KIT: variants seen among roughly 807,000 people sequenced by gnomAD.
KIT encodes the protein mast/stem cell growth factor receptor Kit.
A neutral mutation model predicts 105.7 loss-of-function variants in KIT; 16 were observed. The ratio of observed to expected loss-of-function variants is 0.15; its 90% CI spans 0.10 to 0.23. The LOEUF is 0.23. Among genes scored for constraint, KIT ranks in the 10% least tolerant of loss-of-function variants. The pLI, the probability that KIT is intolerant of heterozygous loss-of-function variation, is 1.00. For synonymous variants in KIT, 438 were observed against 441.1 expected, an observed-to-expected ratio of 0.99 and a Z score of 0.09; for missense variants, 858 against 1,213.8, an observed-to-expected ratio of 0.71 and a Z score of 4.36.
chr4:54,696,662 A>T (rs528787958), intron 2 of KIT, among the ~76,000 whole-genome samples: 41 of 152,352 alleles, frequency 2.7e-4, no homozygotes, highest in Middle Eastern at 6.8e-3. Flanking sequence ...TTTGGATAAG[A>T]TGATCTGTTC....
intron 1 of KIT, among the ~76,000 whole-genome samples, chr4:54,664,831 C>T (rs1204299790): frequency 6.7e-6 from 1 of 150,330 alleles, no homozygotes; most frequent in African/African-American, 2.4e-5. Context: ...CAAGCGATCC[C>T]CCAGCCTCAG....
chr4:54,664,625 A>AT (rs1717548963), intron 1 of KIT, among the ~76,000 whole-genome samples: 1 of 142,978 alleles, frequency 7.0e-6, no homozygotes, highest in African/African-American at 2.6e-5. Flanking sequence ...TTATTTATTT[A>AT]TGAGACAGGG....
rs374262491 is a variant in KIT at position 54,729,476 on chromosome 4, A to G, written c.2132A>G (p.Glu711Gly). Reference sequence around the variant, plus strand: ...TATAAGAATCTTCTGCATTCAAAGGAGTCTTCCTGGTAAGACTGATTTACA... The same window carrying G: ...TATAAGAATCTTCTGCATTCAAAGGGGTCTTCCTGGTAAGACTGATTTACA... ...ALYKNLLHSKESSCSDSTNEY... is the reference protein window; with the variant it reads ...ALYKNLLHSKGSSCSDSTNEY... The change falls in exon 14 of 21, where the codon GAG (glutamate) becomes GGG (glycine). Residue 711 changes from glutamate to glycine, a missense_variant. Coordinates refer to ENST00000288135, the MANE Select transcript of KIT (RefSeq NM_000222.3). 6.2e-7 allele frequency: 1 copy of G among 1,613,204 alleles called. No individual in the cohort carries two copies. Among genetic ancestry groups the G allele is most frequent in the African/African-American group, 1.3e-5 (1 of 74,900 alleles).
At chr4:54,727,387 G>T (rs375379817) in intron 10 of KIT, 29 bp from the exon 11 acceptor site, 1 of 1,614,104 alleles carries the variant, frequency 6.2e-7, no homozygotes, top group Non-Finnish European at 8.5e-7. Flanking sequence ...TTATTAAAAG[G>T]TGATCTATTT....
At chr4:54,658,790 GACA>G (rs952678167) in intron 1 of KIT, among the ~76,000 whole-genome samples, 180 of 152,310 alleles carry the variant, frequency 1.2e-3, no homozygotes, top group Admixed American at 0.011. Flanking sequence ...TGGCGACAGG[GACA>G]ACTTGGGCAG....
chr4:54,707,899 CAG>C (rs34894130), intron 6 of KIT, among the ~76,000 whole-genome samples: 52,150 of 151,860 alleles, frequency 0.34, 10,725 homozygotes, highest in Middle Eastern at 0.56. Context: ...GAAGAGGAGA[CAG>C]AGGTACAGAG....
In KIT at chr4:54,731,880, TAGAA is replaced by T; in HGVS notation, c.2247_2250del (p.Arg750MetfsTer2). 1 of 1,613,434 alleles carries T rather than the reference TAGAA, an allele frequency of 6.2e-7. No individual in the cohort carries two copies. The highest frequency in any genetic ancestry group is 8.5e-7 in the Non-Finnish European group (1 of 1,179,548). On this transcript the variant is annotated frameshift_variant, in exon 16 of 21. Transcript: ENST00000288135. LOFTEE classifies it high-confidence loss of function. Reference sequence around the variant, plus strand: ...CCTCTCTTCCTCACAGGCTCATACATAGAAAGAGATGTGACTCCCGCCATCATGG... The same window carrying T: ...CCTCTCTTCCTCACAGGCTCATACATAGAGATGTGACTCCCGCCATCATGG...
In KIT at chr4:54,695,732, G is replaced by A. The variant is rs150026676; in HGVS notation, c.288G>A (p.Thr96=). ...KAEATNTGKY[T]CTNKHGLSNS... ...AAGCCACCAACACCGGCAAATACAC[G>A]TGCACCAACAAACACGGCTTAAGCA... Residue 96 remains threonine, a synonymous_variant, in exon 2 of 21, where the codon ACG becomes ACA. Coordinates refer to ENST00000288135, the MANE Select transcript of KIT (RefSeq NM_000222.3). 86 of 1,614,216 alleles carry A rather than the reference G, an allele frequency of 5.3e-5. 1 individual carries two copies. Among genetic ancestry groups the A allele is most frequent in the East Asian group, 8.9e-5 (4 of 44,880 alleles).
At chr4:54,663,438 A>G (rs934920110) in intron 1 of KIT, among the ~76,000 whole-genome samples, 5 of 152,206 alleles carry the variant, frequency 3.3e-5, no homozygotes, top group African/African-American at 1.2e-4. Context: ...GGACTCCACT[A>G]TCAGGCTGAT....
In KIT at chr4:54,704,617, G is replaced by T. The variant is rs76622880; in HGVS notation, c.925+725G>T. On this transcript the variant is annotated intron_variant, in intron 5 of 20. Coordinates refer to ENST00000288135, the MANE Select transcript of KIT (RefSeq NM_000222.3). ...CTTTATTTAAAGAGAGCAGAGCATA[G>T]TGAGTTTCTTCATGCTTTTGATTTA... Among the ~76,000 whole-genome samples the T allele has an allele frequency of 1.1e-4, 17 of 152,260 alleles. No homozygotes were observed. The East Asian group carries it at 3.3e-3, about 29-fold the overall frequency.
intron 7 of KIT, among the ~76,000 whole-genome samples, chr4:54,721,505 A>T (rs1428532964): frequency 6.6e-6 from 1 of 152,040 alleles, no homozygotes; most frequent in East Asian, 1.9e-4. Flanking sequence ...TTGGATCCAA[A>T]CTCTCAAGGA....
At chr4:54,732,045 A>ATTTT (rs71662297) in intron 16 of KIT, 47 bp downstream of exon 16, 670 of 887,496 alleles carry the variant, frequency 7.5e-4, no homozygotes, top group South Asian at 1.1e-3. Flanking sequence ...TGTTTTTTTG[A>ATTTT]TTTTTTTTTT....
In KIT at chr4:54,736,816, G is replaced by A. The variant is rs1722948356; in HGVS notation, c.2692G>A (p.Glu898Lys). ...GCTCAGCCCTGAACACGCACCTGCT[G>A]AAATGTAAGAGCCAAAAAATTTTTC... ...RMLSPEHAPA[E>K]MYDIMKTCWD... Residue 898 changes from glutamate (E) to lysine (K), a missense_variant, in exon 19 of 21, where the codon GAA (glutamate) becomes AAA (lysine). Physicochemically the swap from Glu to Lys is moderately conservative, Grantham distance 56. Coordinates refer to ENST00000288135, the MANE Select transcript of KIT (RefSeq NM_000222.3). 2 of 1,613,642 alleles carry A rather than the reference G, an allele frequency of 1.2e-6. No homozygotes were observed. The highest frequency in any genetic ancestry group is 2.2e-5 in the East Asian group (1 of 44,868).
At chr4:54,731,526 T>C in intron 15 of KIT, 107 bp downstream of exon 15, 2 of 861,988 alleles carry the variant, frequency 2.3e-6, no homozygotes, top group Non-Finnish European at 3.9e-6. Flanking sequence ...GCAGACCAGT[T>C]CTGCTTTATG....
At position 54,676,874 on chromosome 4, in the gene KIT, T is replaced by A. The variant is rs1718517307; in HGVS notation, c.68-18638T>A. On this transcript the variant is annotated intron_variant, in intron 1 of 20. Transcript: ENST00000288135. Reference sequence around the variant, plus strand: ...CTTCTGTCCACTGCCAGGGGCCTCATGCTTCTCCCTGGCCTCCTAGTGCAC... The same window carrying A: ...CTTCTGTCCACTGCCAGGGGCCTCAAGCTTCTCCCTGGCCTCCTAGTGCAC... Among the ~76,000 whole-genome samples the A allele has an allele frequency of 7.9e-5, 12 of 152,292 alleles. No individual in the cohort carries two copies. In the South Asian group the frequency reaches 2.5e-3, roughly 32 times the overall value.
intron 1 of KIT, among the ~76,000 whole-genome samples, chr4:54,659,476 C>G (rs1046886123): frequency 2.6e-5 from 4 of 152,134 alleles, no homozygotes; most frequent in Non-Finnish European, 4.4e-5. Flanking sequence ...TGAAAGGAAG[C>G]GGCGCAATGA....
At position 54,727,232 on chromosome 4, in the gene KIT, C is replaced by T. The variant is rs370364842; in HGVS notation, c.1555C>T (p.His519Tyr). The change falls in exon 10 of 21, where the codon CAC becomes TAC. Residue 519 changes from histidine (H) to tyrosine (Y), a missense_variant. His to Tyr is a moderately conservative substitution (Grantham distance 83, BLOSUM62 2). Transcript: ENST00000288135. ...KGNNKEQIHP[H>Y]TLFTPLLIGF... is the part of the protein sequence containing the mutation. Reference sequence around the variant, plus strand: ...TTCCATTGTAGAGCAAATCCATCCCCACACCCTGTTCACTCCTTTGCTGAT... The same window carrying T: ...TTCCATTGTAGAGCAAATCCATCCCTACACCCTGTTCACTCCTTTGCTGAT... The T allele has an allele frequency of 5.6e-6, 9 of 1,613,920 alleles. No homozygotes were observed. The highest frequency in any genetic ancestry group is 1.3e-5 in the African/African-American group (1 of 74,894).
intron 4 of KIT, among the ~76,000 whole-genome samples, chr4:54,703,452 A>G (rs1220647234): frequency 6.6e-6 from 1 of 152,202 alleles, no homozygotes; most frequent in East Asian, 1.9e-4. Context: ...AGCGTTGTAT[A>G]GAATTTGGAA....
intron 1 of KIT, among the ~76,000 whole-genome samples, chr4:54,659,184 T>A (rs1248433130): frequency 6.6e-6 from 1 of 152,180 alleles, no homozygotes; most frequent in Non-Finnish European, 1.5e-5. Context: ...GGCGTGGAAC[T>A]TTCTGCAAAT....
Sources: gnomAD v4.1 joint callset for allele counts (sites outside exome capture counted in the v4.1 genomes callset) on GRCh38, gnomAD v4.1.1 for gene constraint, MANE v1.5 for transcripts, NCBI Gene and HGNC (gene_info 2026-07-23, HGNC 2026-07-21) for gene names.